Variants in PPP2R5C observed in about 807,000 individuals in gnomAD.
PPP2R5C encodes serine/threonine-protein phosphatase 2A 56 kDa regulatory subunit gamma isoform.
In PPP2R5C, 7 loss-of-function variants were observed where a neutral mutation model predicts 68.9. The observed-to-expected ratio is 0.10, with a 90% confidence interval of 0.06 to 0.19. The LOEUF is 0.19. Among genes scored for constraint, PPP2R5C ranks in the 10% least tolerant of loss-of-function variants. The pLI, the probability that PPP2R5C is intolerant of heterozygous loss-of-function variation, is 1.00. For synonymous variants in PPP2R5C, 210 were observed against 222.2 expected (o/e 0.95, Z 0.49); for missense variants, 348 against 641.3 (o/e 0.54, Z 4.94).
chr14:101,763,061 A>C, intron 2 of PPP2R5C, 91 bp downstream of exon 2: 1 of 1,170,874 alleles, frequency 8.5e-7, no homozygotes, highest in Non-Finnish European at 1.2e-6. Context: ...AGAATCTTCT[A>C]AAATGTTTCC....
intron 2 of PPP2R5C, 109 bp downstream of exon 2, chr14:101,763,079 A>T: frequency 1.0e-6 from 1 of 961,402 alleles, no homozygotes; most frequent in Non-Finnish European, 1.5e-6. Context: ...TCCCTATGTG[A>T]GGTTTTTTTT....
chr14:101,890,922 G>A (rs1440306448), intron 6 of PPP2R5C, among the ~76,000 whole-genome samples: 9 of 151,626 alleles, frequency 5.9e-5, no homozygotes, highest in Non-Finnish European at 1.3e-4. Flanking sequence ...ACAGGTGCCC[G>A]CCACCATGCC....
At chr14:101,839,923 G>A (rs998856014) in intron 1 of PPP2R5C, among the ~76,000 whole-genome samples, 5 of 151,858 alleles carry the variant, frequency 3.3e-5, no homozygotes, top group African/African-American at 1.2e-4. Flanking sequence ...GTTCTCTCTG[G>A]GTTGGCCTTT....
intron 2 of PPP2R5C, among the ~76,000 whole-genome samples, chr14:101,774,938 G>A (rs2037340390): frequency 6.6e-6 from 1 of 152,220 alleles, no homozygotes; most frequent in Non-Finnish European, 1.5e-5. Context: ...AGAAGCCACA[G>A]ACAACAGGTG....
At chr14:101,774,231 T>A (rs1469838962) in intron 2 of PPP2R5C, among the ~76,000 whole-genome samples, 4 of 152,226 alleles carry the variant, frequency 2.6e-5, no homozygotes, top group Non-Finnish European at 5.9e-5. Context: ...TTTAGAGGCC[T>A]TGGCTGGGAG....
intron 1 of PPP2R5C, among the ~76,000 whole-genome samples, chr14:101,851,637 G>A (rs1306495560): frequency 6.6e-6 from 1 of 152,096 alleles, no homozygotes; most frequent in Non-Finnish European, 1.5e-5. Context: ...TTTTGCAGCT[G>A]TGTCTCCTTG....
intron 3 of PPP2R5C, among the ~76,000 whole-genome samples, chr14:101,791,854 A>C (rs773814183): frequency 6.6e-6 from 1 of 152,156 alleles, no homozygotes; most frequent in Non-Finnish European, 1.5e-5. Flanking sequence ...GGTGTTTGAC[A>C]CATTTTGTTC....
intron 1 of PPP2R5C, among the ~76,000 whole-genome samples, chr14:101,832,347 A>G (rs2140343952): frequency 6.6e-6 from 1 of 152,360 alleles, no homozygotes; most frequent in East Asian, 1.9e-4. Context: ...TTTAATAATT[A>G]TATATTGATG....
At chr14:101,890,149 G>C in intron 5 of PPP2R5C, 88 bp from the exon 8 acceptor site, 1 of 1,218,748 alleles carries the variant, frequency 8.2e-7, no homozygotes, top group South Asian at 1.3e-5. Flanking sequence ...GCTTCTTGTT[G>C]CCTGGCTCCA....
intron 2 of PPP2R5C, among the ~76,000 whole-genome samples, chr14:101,863,605 G>T (rs1465572173): frequency 6.6e-6 from 1 of 151,996 alleles, no homozygotes; most frequent in Non-Finnish European, 1.5e-5. Context: ...TGTTAGAAAT[G>T]CAGATTCTTG....
intron 7 of PPP2R5C, among the ~76,000 whole-genome samples, chr14:101,893,937 A>G (rs2045133156): frequency 6.6e-6 from 1 of 152,236 alleles, no homozygotes; most frequent in Admixed American, 6.5e-5. Context: ...AGGGCCAGGC[A>G]CTGAGCAGTC....
At chr14:101,886,660 A>G (rs1027537428) in intron 5 of PPP2R5C, among the ~76,000 whole-genome samples, 1 of 151,476 alleles carries the variant, frequency 6.6e-6, no homozygotes, top group Non-Finnish European at 1.5e-5. Flanking sequence ...TCATGTGAGG[A>G]AAAAAAAAGA....
intron 2 of PPP2R5C, among the ~76,000 whole-genome samples, chr14:101,863,342 T>G (rs2042867727): frequency 6.6e-6 from 1 of 151,856 alleles, no homozygotes; most frequent in African/African-American, 2.4e-5. Context: ...CTATGTTTCC[T>G]GAGTTGGTCT....
chr14:101,793,214 A>G (rs896734375), intron 3 of PPP2R5C, among the ~76,000 whole-genome samples: 1 of 152,172 alleles, frequency 6.6e-6, no homozygotes, highest in Non-Finnish European at 1.5e-5. Context: ...GGTTCCTTTC[A>G]GTAGTAAATA....
chr14:101,832,408 T>A (rs998551007), intron 1 of PPP2R5C, among the ~76,000 whole-genome samples: 1 of 152,182 alleles, frequency 6.6e-6, no homozygotes, highest in South Asian at 2.1e-4. Context: ...CTTGGGTTAT[T>A]ATTGCTTAGG....
intron 8 of PPP2R5C, among the ~76,000 whole-genome samples, chr14:101,896,869 A>C (rs1345274225): frequency 6.6e-6 from 1 of 152,186 alleles, no homozygotes; most frequent in Non-Finnish European, 1.5e-5. Flanking sequence ...GTGAAGTTGT[A>C]ATTTTTATAG....
chr14:101,778,348 C>A (rs1378992652), intron 2 of PPP2R5C, among the ~76,000 whole-genome samples: 1 of 152,084 alleles, frequency 6.6e-6, no homozygotes, highest in Non-Finnish European at 1.5e-5. Context: ...TATGTTCTCC[C>A]ATTCTGTGGG....
chr14:101,859,750 G>A (rs112491545), intron 2 of PPP2R5C, among the ~76,000 whole-genome samples: 2,443 of 152,264 alleles, frequency 0.016, 26 homozygotes, highest in Non-Finnish European at 0.024. Flanking sequence ...CAAAAGCCTG[G>A]GCCTCTTTGT....
At chr14:101,921,220 C>A in intron 13 of PPP2R5C, 1 of 237,110 alleles carries the variant, frequency 4.2e-6, no homozygotes. Context: ...GGCACCACCA[C>A]ACTCAGCTGA....
Sources: allele counts gnomAD v4.1 joint callset (sites outside exome capture counted in the v4.1 genomes callset), GRCh38; gene constraint gnomAD v4.1.1; transcripts MANE v1.5; gene names NCBI Gene and HGNC (gene_info 2026-07-23, HGNC 2026-07-21).